The following CNTN3 variants were observed in gnomAD, a reference collection of about 807,000 sequenced individuals.
CNTN3 encodes the protein contactin-3.
Under a neutral mutation model 119.1 loss-of-function variants are expected in CNTN3, and 60 were observed. That is an observed-to-expected ratio of 0.50 (90% CI 0.41 to 0.62). CNTN3 has a LOEUF of 0.62. Ranked by LOEUF, CNTN3 falls within the 20% of genes least tolerant of loss-of-function variation. The probability of loss-of-function intolerance (pLI) is 0.00; values close to 1 mark genes in which losing one functional copy is unlikely to be tolerated. For missense variants in CNTN3, 1,101 were observed against 1,242.4 expected (o/e 0.89, Z 1.71); for synonymous variants, 450 against 438.7 (o/e 1.03, Z -0.32).
intron 1 of CNTN3, among the ~76,000 whole-genome samples, chr3:74,560,886 A>G (rs1243296523): frequency 1.3e-5 from 2 of 152,020 alleles, no homozygotes; most frequent in Admixed American, 6.6e-5. Context: ...GACATGGATG[A>G]AGCTGGAAAC....
intron 2 of CNTN3, among the ~76,000 whole-genome samples, chr3:74,510,878 C>A (rs924710850): frequency 6.6e-6 from 1 of 152,038 alleles, no homozygotes; most frequent in African/African-American, 2.4e-5. Flanking sequence ...GGACACATTC[C>A]ACATCTCGGT....
chr3:74,479,117 T>G (rs1331217786), intron 4 of CNTN3, among the ~76,000 whole-genome samples: 1 of 151,996 alleles, frequency 6.6e-6, no homozygotes, highest in African/African-American at 2.4e-5. Flanking sequence ...AACAATCTAT[T>G]CCAGGTGGTT....
At chr3:74,514,453 T>C (rs1344953950) in intron 2 of CNTN3, among the ~76,000 whole-genome samples, 2 of 152,096 alleles carry the variant, frequency 1.3e-5, no homozygotes, top group African/African-American at 4.8e-5. Flanking sequence ...CTGGCAACCA[T>C]TACACAATCA....
At chr3:74,412,148 G>C (rs187801953) in intron 5 of CNTN3, among the ~76,000 whole-genome samples, 99 of 152,264 alleles carry the variant, frequency 6.5e-4, no homozygotes, top group African/African-American at 2.2e-3. Context: ...TCTGTCAACT[G>C]ATCTTTCAAA....
intron 4 of CNTN3, among the ~76,000 whole-genome samples, chr3:74,481,090 C>A (rs947158828): frequency 6.6e-6 from 1 of 151,790 alleles, no homozygotes; most frequent in African/African-American, 2.4e-5. Flanking sequence ...CAAAAAAATA[C>A]AGTCACTCTA....
At chr3:74,417,984 T>C (rs1701551713) in intron 5 of CNTN3, among the ~76,000 whole-genome samples, 1 of 152,194 alleles carries the variant, frequency 6.6e-6, no homozygotes, top group Non-Finnish European at 1.5e-5. Flanking sequence ...TAATATTCTA[T>C]TGTACAGATG....
intron 1 of CNTN3, among the ~76,000 whole-genome samples, chr3:74,546,286 T>TGCCC (rs372608938): frequency 2.9e-4 from 44 of 152,274 alleles, no homozygotes; most frequent in African/African-American, 1.0e-3. Flanking sequence ...TGAGCCACTG[T>TGCCC]GCCCGGCCCA....
intron 22 of CNTN3, among the ~76,000 whole-genome samples, chr3:74,265,952 A>C (rs965329939): frequency 6.6e-6 from 1 of 152,202 alleles, no homozygotes; most frequent in Non-Finnish European, 1.5e-5. Context: ...TAATTTCTAT[A>C]GTAAAATAGG....
At chr3:74,338,544 T>G (rs1490051565) in intron 11 of CNTN3, among the ~76,000 whole-genome samples, 1 of 151,970 alleles carries the variant, frequency 6.6e-6, no homozygotes, top group Admixed American at 6.6e-5. Context: ...CTCCATATTT[T>G]TCTCCTCCAG....
intron 5 of CNTN3, among the ~76,000 whole-genome samples, chr3:74,397,608 C>T (rs1705088828): frequency 6.6e-6 from 1 of 151,984 alleles, no homozygotes; most frequent in South Asian, 2.1e-4. Context: ...CTACAATGGC[C>T]TCTAAGTGTT....
intron 5 of CNTN3, among the ~76,000 whole-genome samples, chr3:74,393,545 T>C (rs905858131): frequency 8.5e-5 from 13 of 152,172 alleles, no homozygotes; most frequent in African/African-American, 3.1e-4. Flanking sequence ...TAAACCAAAA[T>C]GTAATTATCA....
At chr3:74,385,492 C>A (rs1448467053) in intron 5 of CNTN3, among the ~76,000 whole-genome samples, 1 of 152,146 alleles carries the variant, frequency 6.6e-6, no homozygotes, top group Non-Finnish European at 1.5e-5. Context: ...CTGAAATGAG[C>A]TTTTTGCGTA....
intron 8 of CNTN3, among the ~76,000 whole-genome samples, chr3:74,367,118 CTATT>C (rs1384302829): frequency 6.6e-6 from 1 of 151,764 alleles, no homozygotes; most frequent in Non-Finnish European, 1.5e-5. Context: ...ATTCTATAGA[CTATT>C]TTTTACATGA....
chr3:74,505,953 A>G (rs4677405), intron 2 of CNTN3, among the ~76,000 whole-genome samples: 148,159 of 152,204 alleles, frequency 0.97, 72,252 homozygotes, highest in East Asian at 1. Context: ...GCATTCAATA[A>G]TTAGGGAATT....
At chr3:74,270,971 T>C (rs921773401) in intron 20 of CNTN3, among the ~76,000 whole-genome samples, 17 of 152,208 alleles carry the variant, frequency 1.1e-4, no homozygotes, top group Non-Finnish European at 2.9e-5. Flanking sequence ...ATTTCAGTAA[T>C]TTTAAGTGTT....
At chr3:74,480,763 C>G (rs1702749515) in intron 4 of CNTN3, among the ~76,000 whole-genome samples, 1 of 151,598 alleles carries the variant, frequency 6.6e-6, no homozygotes, top group South Asian at 2.1e-4. Flanking sequence ...AAATATTCAG[C>G]AAAAATAGTA....
intron 1 of CNTN3, among the ~76,000 whole-genome samples, chr3:74,590,841 C>A (rs993319771): frequency 2.6e-5 from 4 of 152,004 alleles, no homozygotes; most frequent in Non-Finnish European, 5.9e-5. Flanking sequence ...ACAGTTGCAA[C>A]TACACCTTCA....
intron 20 of CNTN3, among the ~76,000 whole-genome samples, chr3:74,284,310 TA>T (rs1237535368): frequency 2.6e-5 from 4 of 152,148 alleles, no homozygotes; most frequent in African/African-American, 9.6e-5. Flanking sequence ...CATTCTTACA[TA>T]AAGTTAGTTA....
chr3:74,607,680 C>T (rs1490140235), intron 1 of CNTN3, among the ~76,000 whole-genome samples: 1 of 152,110 alleles, frequency 6.6e-6, no homozygotes, highest in African/African-American at 2.4e-5. Flanking sequence ...CAGGCATCTG[C>T]AAGGTAAAGG....
Sources: allele counts gnomAD v4.1 joint callset (sites outside exome capture counted in the v4.1 genomes callset), GRCh38; gene constraint gnomAD v4.1.1; transcripts MANE v1.5; gene names NCBI Gene and HGNC (gene_info 2026-07-23, HGNC 2026-07-21).